The following TRPV2 variants were observed in gnomAD, a reference collection of about 807,000 sequenced individuals.
TRPV2 encodes OTRPC2.
Under a neutral mutation model 91.0 loss-of-function variants are expected in TRPV2, and 58 were observed. The observed-to-expected ratio is 0.64, with a 90% confidence interval of 0.52 to 0.79. The LOEUF (loss-of-function observed/expected upper bound fraction) is 0.79. Ranked by LOEUF, TRPV2 falls within the 30% of genes least tolerant of loss-of-function variation. The probability of loss-of-function intolerance (pLI) is 0.00; values close to 1 mark genes in which losing one functional copy is unlikely to be tolerated. For synonymous variants in TRPV2, 417 were observed against 414.8 expected, an observed-to-expected ratio of 1.01 and a Z score of -0.06; for missense variants, 807 against 969.6, an observed-to-expected ratio of 0.83 and a Z score of 2.23.
chr17:16,427,697 G>A, intron 8 of TRPV2, 150 bp downstream of exon 8: 1 of 717,940 alleles, frequency 1.4e-6, no homozygotes, highest in Non-Finnish European at 2.2e-6. Context: ...AGAGGTTCTG[G>A]CCTTGCCTTC....
chr17:16,433,392 C>T, intron 12 of TRPV2, 182 bp from the exon 13 acceptor site: 3 of 776,224 alleles, frequency 3.9e-6, no homozygotes, highest in South Asian at 1.8e-5. Flanking sequence ...TGCAGAGAGG[C>T]TGAGGGCCCA....
chr17:16,435,057 C>A lies in TRPV2; in HGVS notation c.2194+88C>A. The A allele has an allele frequency of 2.8e-6, 3 of 1,075,550 alleles. No homozygotes were observed. The highest frequency in any genetic ancestry group is 4.0e-6 in the Non-Finnish European group (3 of 755,462). The allele number at this position is 1,075,550 out of a possible 1,614,324, so 66.6% of individuals were successfully genotyped here. ...AGCCTTGGAGAGTCTGGGGCAGGAC[C>A]CAGAGACCTCCTCATAGTCCCTTTG... is the stretch of plus-strand genomic sequence containing the variant. On this transcript the variant is annotated intron_variant, in intron 14 of 14. Coordinates refer to ENST00000338560, the MANE Select transcript of TRPV2 (RefSeq NM_016113.5). The surrounding 1 kb of genome is among the most constrained non-coding windows in gnomAD (Gnocchi z 4.2).
At chr17:16,419,268 C>T (rs1600956066) in intron 2 of TRPV2, 1 of 468,524 alleles carries the variant, frequency 2.1e-6, no homozygotes, top group East Asian at 7.0e-5. Flanking sequence ...CTTCCCACTT[C>T]CAGTCACCAG....
chr17:16,431,044 T>G (rs1482563168), intron 10 of TRPV2, among the ~76,000 whole-genome samples: 3 of 143,636 alleles, frequency 2.1e-5, no homozygotes, highest in Admixed American at 1.4e-4. Flanking sequence ...AAGGTTTTTT[T>G]TTTTTGTTTT....
Position 16,428,884 on chromosome 17 carries a change from C to T in TRPV2, c.1489C>T (p.Pro497Ser). 1 of 1,614,122 alleles carries T rather than the reference C, an allele frequency of 6.2e-7. No individual in the cohort carries two copies. The highest frequency in any genetic ancestry group is 8.5e-7 in the Non-Finnish European group (1 of 1,180,032). ...TTTCCTGGCCATCGAGTGGTACCTGCCCCTGCTTGTGTCTGCGCTGGTGCT... is the reference window on the plus strand; with the variant it reads ...TTTCCTGGCCATCGAGTGGTACCTGTCCCTGCTTGTGTCTGCGCTGGTGCT... Reference protein sequence around the residue: ...LCFLAIEWYLPLLVSALVLGW... With the variant: ...LCFLAIEWYLSLLVSALVLGW... The change falls in exon 10 of 15, where the codon CCC becomes TCC. Residue 497 changes from proline (P) to serine (S), a missense_variant. Physicochemically the swap from Pro to Ser is moderately conservative, Grantham distance 74 (BLOSUM62 -1). Transcript: ENST00000338560.
chr17:16,434,950 G>C lies in TRPV2; in HGVS notation c.2175G>C (p.Pro725=), dbSNP rs141878424. The C allele has an allele frequency of 7.3e-5, 118 of 1,610,964 alleles. No homozygotes were observed. In the African/African-American group the frequency reaches 1.4e-3, roughly 19 times the overall value. ...EQTLPTLCED[P]SGAGVPRTLE... ...CGCTGCCTACGCTGTGTGAGGACCC[G>C]TCAGGGGCAGGTGTCCCTCGTGAGT... The change falls in exon 14 of 15, where the codon CCG becomes CCC. Residue 725 remains proline, a synonymous_variant. Transcript: ENST00000338560.
chr17:16,419,351 G>C (rs1189506017), intron 2 of TRPV2: 1 of 470,928 alleles, frequency 2.1e-6, no homozygotes. Context: ...TTCTCATTAG[G>C]TGTGCCTTCT....
intron 2 of TRPV2, chr17:16,419,326 G>A (rs776535080): frequency 2.3e-5 from 11 of 470,914 alleles, no homozygotes; most frequent in Middle Eastern, 3.2e-4. Flanking sequence ...CCCTTCCGGG[G>A]TCTGTGGGAG....
rs1600988982 is a variant in TRPV2 at position 16,432,006 on chromosome 17, T to C, written c.1695T>C (p.Ala565=). 1 of 1,607,436 alleles carries C rather than the reference T, an allele frequency of 6.2e-7. No individual in the cohort carries two copies. Among genetic ancestry groups the C allele is most frequent in the African/African-American group, 1.3e-5 (1 of 74,816 alleles). ...GCCAGGAGGCTTGGCGCCCCGAAGCTCCTACAGGCCCCAATGCCACAGAGT... is the reference window on the plus strand; with the variant it reads ...GCCAGGAGGCTTGGCGCCCCGAAGCCCCTACAGGCCCCAATGCCACAGAGT... The part of the protein sequence containing the change: ...SLSQEAWRPE[A]PTGPNATESV... Residue 565 remains alanine, a synonymous_variant, in exon 12 of 15, where the codon GCT becomes GCC. Coordinates refer to ENST00000338560, the MANE Select transcript of TRPV2 (RefSeq NM_016113.5).
At chr17:16,417,911 C>T (rs1185652385) in intron 2 of TRPV2, 43 bp downstream of exon 2, 34 of 1,573,000 alleles carry the variant, frequency 2.2e-5, no homozygotes, top group Non-Finnish European at 2.9e-5. Context: ...GCCCCCTGCC[C>T]AGCTCCAGCA....
Position 16,422,810 on chromosome 17 carries a change from G to T in TRPV2, c.546G>T (p.Leu182=). The change falls in exon 4 of 15, where the codon CTG becomes CTT. Residue 182 remains leucine, a synonymous_variant. Transcript: ENST00000338560. ...GGAGTCTGCAGTGTGTGAAGCTCCT[G>T]GTGGAGAATGGGGCCAATGTGCATG... ...EKRSLQCVKL[L]VENGANVHAR... is the part of the protein sequence containing the mutation. 1 of 1,574,256 alleles carries T rather than the reference G, an allele frequency of 6.4e-7. No individual in the cohort carries two copies. Among genetic ancestry groups the T allele is most frequent in the Non-Finnish European group, 8.6e-7 (1 of 1,157,996 alleles).
chr17:16,423,364 GCCTGA>G (rs2093367112), intron 4 of TRPV2, 100 bp from the exon 5 acceptor site: 19 of 1,326,798 alleles, frequency 1.4e-5, no homozygotes, highest in Non-Finnish European at 1.8e-5. Context: ...TGGTAAAGAA[GCCTGA>G]CCTGTTTCAA....
At chr17:16,422,322 C>CAAA (rs5819570) in intron 3 of TRPV2, among the ~76,000 whole-genome samples, 1 of 92,758 alleles carries the variant, frequency 1.1e-5, no homozygotes, top group African/African-American at 4.0e-5. Context: ...GACTCTGTCT[C>CAAA]AAAAAAAAAA....
rs944829517 is a variant in TRPV2, at chr17:16,422,954, G to A, written c.625+65G>A. The A allele has an allele frequency of 6.6e-6, 10 of 1,510,370 alleles. No individual in the cohort carries two copies. In the African/African-American group the frequency reaches 9.7e-5, roughly 15 times the overall value. 93.6% of individuals were successfully genotyped at this position (1,510,370 alleles called of 1,614,324 possible). On this transcript the variant is annotated intron_variant, in intron 4 of 14. Coordinates refer to ENST00000338560, the MANE Select transcript of TRPV2 (RefSeq NM_016113.5). The stretch of plus-strand genomic sequence containing the variant: ...AGTAAGGCCTGGTTCAAGGTCACAT[G>A]GTTAGTGTATGACAGAGCTGGCAGT...
rs1320358196 is a variant in TRPV2, at chr17:16,417,583, A to C, written c.-86A>C. 1 of 1,457,910 alleles carries C rather than the reference A, an allele frequency of 6.9e-7. No individual in the cohort carries two copies. Among genetic ancestry groups the C allele is most frequent in the Non-Finnish European group, 9.5e-7 (1 of 1,051,108 alleles). 90.3% of individuals were successfully genotyped at this position (1,457,910 alleles called of 1,614,324 possible). A position where few individuals can be genotyped will look rare whatever the true frequency, so the allele number is the denominator to read the frequency against. ...GCAGGCTCCAGTCAGGCCAACACCG[A>C]CGCGCAGCTGGGAGGAAGACAGGAC... On this transcript the variant is annotated 5_prime_UTR_variant, in exon 2 of 15. Coordinates refer to ENST00000338560, the MANE Select transcript of TRPV2 (RefSeq NM_016113.5).
At chr17:16,431,293 T>TATATATATATATATATA (rs1568919199) in intron 10 of TRPV2, among the ~76,000 whole-genome samples, 2 of 44,992 alleles carry the variant, frequency 4.4e-5, no homozygotes, top group African/African-American at 3.0e-4. Flanking sequence ...ATATACATAT[T>TATATATATATATATATA]TTTTTTTTTT....
intron 3 of TRPV2, 36 bp from the exon 4 acceptor site, chr17:16,422,563 C>A: frequency 1.9e-6 from 3 of 1,593,892 alleles, no homozygotes; most frequent in South Asian, 1.1e-5. Flanking sequence ...CAGGTCTCAG[C>A]ACCACTGTGC....
chr17:16,426,048 A>T lies in TRPV2; in HGVS notation c.925-51A>T. 1 of 1,602,330 alleles carries T rather than the reference A, an allele frequency of 6.2e-7. No homozygotes were observed. The highest frequency in any genetic ancestry group is 1.1e-5 in the South Asian group (1 of 89,938). ...GGGTGTTTCCCAGCCTTGGCCCAGG[A>T]TCAGTGCCAGGAAGGGACCATGAAT... is the stretch of plus-strand genomic sequence containing the variant. On this transcript the variant is annotated intron_variant, in intron 5 of 14. Coordinates refer to ENST00000338560, the MANE Select transcript of TRPV2 (RefSeq NM_016113.5). The surrounding 1 kb of genome is among the most constrained non-coding windows in gnomAD (Gnocchi z 6.0).
Position 16,426,544 on chromosome 17 carries a change from C to T in TRPV2, c.1096-178C>T, listed in dbSNP as rs373725407. ...AGCATCTCATTTGGAGGGCAAGCCCCTTAGTCACACTGTAGCTGGGAGGGT... is the reference window on the plus strand; with the variant it reads ...AGCATCTCATTTGGAGGGCAAGCCCTTTAGTCACACTGTAGCTGGGAGGGT... On this transcript the variant is annotated intron_variant, in intron 6 of 14. Coordinates refer to ENST00000338560, the MANE Select transcript of TRPV2 (RefSeq NM_016113.5). This position sits in a 1 kb window ranked among gnomAD's most constrained non-coding sequence, Gnocchi z 6.0. 1.9e-4 allele frequency among the ~76,000 whole-genome samples: 29 copies of T among 152,330 alleles called. No homozygotes were observed. In the East Asian group the frequency reaches 5.2e-3, roughly 27 times the overall value.
Sources: gnomAD v4.1 joint callset for allele counts (sites outside exome capture counted in the v4.1 genomes callset) on GRCh38, gnomAD v4.1.1 for gene constraint, Gnocchi (gnomAD v3.1) non-coding constraint, MANE v1.5 for transcripts, NCBI Gene and HGNC (gene_info 2026-07-23, HGNC 2026-07-21) for gene names.